SLITRK1: variants seen among roughly 807,000 people sequenced by gnomAD.
SLITRK1 encodes the protein SLIT and NTRK like family member 1.
A neutral mutation model predicts 42.4 loss-of-function variants in SLITRK1; 10 were observed. The observed-to-expected ratio is 0.24, with a 90% CI of 0.15 to 0.40. The LOEUF is 0.40. Among genes scored for constraint, SLITRK1 ranks in the 10% least tolerant of loss-of-function variants. The pLI is 1.00. For synonymous variants in SLITRK1, 389 were observed against 365.7 expected, an observed-to-expected ratio of 1.06 and a Z score of -0.73; for missense variants, 778 against 848.8, an observed-to-expected ratio of 0.92 and a Z score of 1.04.
chr13:83,879,408 G>C lies in SLITRK1; in HGVS notation c.*9C>G, dbSNP rs764883497. The C allele has an allele frequency of 6.2e-7, 1 of 1,612,446 alleles. No individual in the cohort carries two copies. The highest frequency in any genetic ancestry group is 1.1e-5 in the South Asian group (1 of 91,034). Reference sequence around the variant, plus strand: ...CTTCCCTCTGCCCTCCCCTATTGGGGTTGGGGTCTTAGTCTGAGAGCGAGT... The same window carrying C: ...CTTCCCTCTGCCCTCCCCTATTGGGCTTGGGGTCTTAGTCTGAGAGCGAGT... On this transcript the variant is annotated 3_prime_UTR_variant, in exon 2 of 2. Coordinates refer to ENST00000674365, the MANE Select transcript of SLITRK1 (RefSeq NM_001281503.2).
chr13:83,879,355 GT>G lies in SLITRK1; in HGVS notation c.*61del, dbSNP rs1884756553. The G allele has an allele frequency of 6.3e-7, 1 of 1,599,428 alleles. No homozygotes were observed. Among genetic ancestry groups the G allele is most frequent in the African/African-American group, 1.3e-5 (1 of 74,842 alleles). On this transcript the variant is annotated 3_prime_UTR_variant, in exon 2 of 2. Coordinates refer to ENST00000674365, the MANE Select transcript of SLITRK1 (RefSeq NM_001281503.2). ...GGTACACGCCCCTCCAGCCCCCGGG[GT>G]GCCTGCGGTGGGGAAGGATGTATCG...
Position 83,881,081 on chromosome 13 carries a change from G to C in SLITRK1, c.427C>G (p.Arg143Gly), listed in dbSNP as rs1220392683. ...EYLQADFNLL[R>G]DIDPGAFQDL... ...TGGAAGGCCCCCGGGTCTATATCTCGTAATAAATTAAAATCAGCCTGGAGA... is the reference window on the plus strand; with the variant it reads ...TGGAAGGCCCCCGGGTCTATATCTCCTAATAAATTAAAATCAGCCTGGAGA... The change falls in exon 2 of 2, where the codon CGA (arginine) becomes GGA (glycine). Residue 143 changes from arginine (R) to glycine (G), a missense_variant. By Grantham distance (125) the Arg-to-Gly change is moderately radical. This residue lies in a region of SLITRK1 where 204 missense variants were observed against 295.3 expected (regional missense o/e 0.69). Transcript: ENST00000674365. 3 of 1,613,886 alleles carry C rather than the reference G, an allele frequency of 1.9e-6. No individual in the cohort carries two copies. The highest frequency in any genetic ancestry group is 2.5e-6 in the Non-Finnish European group (3 of 1,180,028).
In SLITRK1 at chr13:83,880,189, C is replaced by T. The variant is rs1884780658; in HGVS notation, c.1319G>A (p.Arg440Gln). 8.7e-6 allele frequency: 14 copies of T among 1,613,842 alleles called. No individual in the cohort carries two copies. The highest frequency in any genetic ancestry group is 1.1e-5 in the South Asian group (1 of 91,076). ...MDSNYLDTLS[R>Q]EKFAGLQNLE... ...GTTTTGCAGCCCCGCGAATTTCTCC[C>T]GGGACAGCGTGTCCAGGTAATTGCT... Residue 440 changes from arginine (R) to glutamine (Q), a missense_variant, in exon 2 of 2, where the codon CGG (arginine) becomes CAG (glutamine). Physicochemically the swap from Arg to Gln is conservative, Grantham distance 43 (BLOSUM62 1). Around this residue, in one of 4 missense-constraint regions of SLITRK1, gnomAD observed 395 missense variants for 360.4 expected, o/e 1.10. Transcript: ENST00000674365.
chr13:83,879,828 C>A lies in SLITRK1; in HGVS notation c.1680G>T (p.Thr560=). 4 of 1,614,094 alleles carry A rather than the reference C, an allele frequency of 2.5e-6. No individual in the cohort carries two copies. The highest frequency in any genetic ancestry group is 3.4e-6 in the Non-Finnish European group (4 of 1,180,024). Residue 560 remains threonine (T), a synonymous_variant, in exon 2 of 2, where the codon ACG becomes ACT. Coordinates refer to ENST00000674365, the MANE Select transcript of SLITRK1 (RefSeq NM_001281503.2). ...EVLMSDLKCE[T]PVNFFRKDFM... ...AATCCTTTCTAAAGAAGTTCACCGG[C>A]GTCTCACACTTGAGGTCGCTCATCA...
At position 83,879,673 on chromosome 13, in the gene SLITRK1, G is replaced by A; in HGVS notation, c.1835C>T (p.Thr612Ile). 6.2e-7 allele frequency: 1 copy of A among 1,613,978 alleles called. No individual in the cohort carries two copies. The highest frequency in any genetic ancestry group is 2.2e-5 in the East Asian group (1 of 44,852). The change falls in exon 2 of 2, where the codon ACC becomes ATC. Residue 612 changes from threonine to isoleucine, a missense_variant. Thr to Ile is a moderately conservative substitution (Grantham distance 89). Around this residue, in one of 4 missense-constraint regions of SLITRK1, gnomAD observed 164 missense variants for 158.2 expected, o/e 1.04. Transcript: ENST00000674365. Reference protein sequence around the residue: ...TGTHSNSYLDTSRVSISVLVP... With the variant: ...TGTHSNSYLDISRVSISVLVP... ...CAACACCGAGATGGACACCCTGCTGGTGTCTAGGTAGGAGTTGGAGTGCGT... is the reference window on the plus strand; with the variant it reads ...CAACACCGAGATGGACACCCTGCTGATGTCTAGGTAGGAGTTGGAGTGCGT...
At position 83,881,010 on chromosome 13, in the gene SLITRK1, G is replaced by A; in HGVS notation, c.498C>T (p.Ile166=). 6.2e-7 allele frequency: 1 copy of A among 1,614,088 alleles called. No homozygotes were observed. Among genetic ancestry groups the A allele is most frequent in the Non-Finnish European group, 8.5e-7 (1 of 1,180,018 alleles). Residue 166 remains isoleucine (I), a synonymous_variant, in exon 2 of 2, where the codon ATC becomes ATT. Coordinates refer to ENST00000674365, the MANE Select transcript of SLITRK1 (RefSeq NM_001281503.2). ...GGAACACGTTGGCAGGTAGGGTGCTGATGAGATTGTCATTTAAAATGAGCA... is the reference window on the plus strand; with the variant it reads ...GGAACACGTTGGCAGGTAGGGTGCTAATGAGATTGTCATTTAAAATGAGCA... ...LEVLILNDNL[I]STLPANVFQY...
At chr13:83,881,589 A>C in intron 1 of SLITRK1, 29 bp from the exon 2 acceptor site, 2 of 1,075,772 alleles carry the variant, frequency 1.9e-6, no homozygotes, top group Non-Finnish European at 2.6e-6. Flanking sequence ...ATTCAAGTTC[A>C]TTTAGTGCTC....
chr13:83,879,709 G>A lies in SLITRK1; in HGVS notation c.1799C>T (p.Ala600Val), dbSNP rs377623606. The A allele has an allele frequency of 9.0e-5, 146 of 1,613,846 alleles. No homozygotes were observed. In the Middle Eastern group the frequency reaches 4.6e-3, roughly 51 times the overall value. The change falls in exon 2 of 2, where the codon GCG becomes GTG. Residue 600 changes from alanine (A) to valine (V), a missense_variant. Coordinates refer to ENST00000674365, the MANE Select transcript of SLITRK1 (RefSeq NM_001281503.2). ...TSHSKNSTGL[A>V]ETGTHSNSYL... The stretch of plus-strand genomic sequence containing the variant: ...GGAGTTGGAGTGCGTCCCGGTCTCC[G>A]CCAACCCAGTGCTGTTTTTACTGTG...
chr13:83,880,687 G>A lies in SLITRK1; in HGVS notation c.821C>T (p.Pro274Leu), dbSNP rs745406193. The change falls in exon 2 of 2, where the codon CCC (proline) becomes CTC (leucine). Residue 274 changes from proline (P) to leucine (L), a missense_variant. Coordinates refer to ENST00000674365, the MANE Select transcript of SLITRK1 (RefSeq NM_001281503.2). ...AGCAAAGGTCTCTTCTTGGGCAGGGGGCGCCGGGAGACTAGAATCCACTCG... is the reference window on the plus strand; with the variant it reads ...AGCAAAGGTCTCTTCTTGGGCAGGGAGCGCCGGGAGACTAGAATCCACTCG... ...KNRVDSSLPAPPAQEETFAPG... is the reference protein window; with the variant it reads ...KNRVDSSLPALPAQEETFAPG... The A allele has an allele frequency of 6.2e-7, 1 of 1,614,100 alleles. No homozygotes were observed. The highest frequency in any genetic ancestry group is 2.2e-5 in the East Asian group (1 of 44,852).
Position 83,879,597 on chromosome 13 carries a change from G to A in SLITRK1, c.1911C>T (p.Gly637=). The part of the protein sequence containing the change: ...VFVTSAFTVV[G]MLVFILRNRK... ...GGTTCCTCAGGATAAACACGAGCATGCCCACCACGGTGAAGGCGGAGGTGA... is the reference window on the plus strand; with the variant it reads ...GGTTCCTCAGGATAAACACGAGCATACCCACCACGGTGAAGGCGGAGGTGA... Residue 637 remains glycine (G), a synonymous_variant, in exon 2 of 2, where the codon GGC becomes GGT. Coordinates refer to ENST00000674365, the MANE Select transcript of SLITRK1 (RefSeq NM_001281503.2). 1 of 1,614,024 alleles carries A rather than the reference G, an allele frequency of 6.2e-7. No homozygotes were observed. The highest frequency in any genetic ancestry group is 1.7e-5 in the Admixed American group (1 of 59,998).
rs778285912 is a variant in SLITRK1 at position 83,881,554 on chromosome 13, G to A, written c.-47C>T. Reference sequence around the variant, plus strand: ...CCCGATCTCATCACAAAGTAACAGCGACCATCCTGCTCGCCACAGACACAA... The same window carrying A: ...CCCGATCTCATCACAAAGTAACAGCAACCATCCTGCTCGCCACAGACACAA... On this transcript the variant is annotated 5_prime_UTR_variant, in exon 2 of 2. Transcript: ENST00000674365. The A allele has an allele frequency of 2.9e-5, 43 of 1,461,448 alleles. No homozygotes were observed. The highest frequency in any genetic ancestry group is 3.7e-5 in the Non-Finnish European group (40 of 1,084,008). The allele number at this position is 1,461,448 out of a possible 1,614,324, so 90.5% of individuals were successfully genotyped here.
At position 83,881,179 on chromosome 13, in the gene SLITRK1, C is replaced by A. The variant is rs1209211422; in HGVS notation, c.329G>T (p.Arg110Met). ...GAFLGLQLVKRLHINNNKIKS... is the reference protein window; with the variant it reads ...GAFLGLQLVKMLHINNNKIKS... Reference sequence around the variant, plus strand: ...GATCTTGTTGTTGTTGATGTGCAGCCTTTTCACCAGCTGCAGCCCCAGAAA... The same window carrying A: ...GATCTTGTTGTTGTTGATGTGCAGCATTTTCACCAGCTGCAGCCCCAGAAA... Residue 110 changes from arginine (R) to methionine (M), a missense_variant, in exon 2 of 2, where the codon AGG becomes ATG. This residue lies in a region of SLITRK1 where 204 missense variants were observed against 295.3 expected (regional missense o/e 0.69). Transcript: ENST00000674365. The A allele has an allele frequency of 1.2e-6, 2 of 1,614,068 alleles. No individual in the cohort carries two copies. Among genetic ancestry groups the A allele is most frequent in the Non-Finnish European group, 8.5e-7 (1 of 1,180,004 alleles).
chr13:83,880,377 C>A lies in SLITRK1; in HGVS notation c.1131G>T (p.Val377=). ...TGTTATCTCGTAGGAAAAGCTCCTG[C>A]ACGTTAGAGAGCTTGGGCTTCAAAT... The part of the protein sequence containing the change: ...LADLKPKLSN[V]QELFLRDNKI... Residue 377 remains valine (V), a synonymous_variant, in exon 2 of 2, where the codon GTG becomes GTT. Coordinates refer to ENST00000674365, the MANE Select transcript of SLITRK1 (RefSeq NM_001281503.2). The A allele has an allele frequency of 2.5e-6, 4 of 1,613,854 alleles. No homozygotes were observed. Among genetic ancestry groups the A allele is most frequent in the Non-Finnish European group, 1.7e-6 (2 of 1,180,020 alleles).
At position 83,881,015 on chromosome 13, in the gene SLITRK1, G is replaced by T. The variant is rs764130843; in HGVS notation, c.493C>A (p.Leu165Ile). The T allele has an allele frequency of 1.2e-6, 2 of 1,614,102 alleles. No homozygotes were observed. The highest frequency in any genetic ancestry group is 8.5e-7 in the Non-Finnish European group (1 of 1,180,032). ...KLEVLILNDN[L>I]ISTLPANVFQ... ...ACGTTGGCAGGTAGGGTGCTGATGA[G>T]ATTGTCATTTAAAATGAGCACCTCC... is the stretch of plus-strand genomic sequence containing the variant. Residue 165 changes from leucine to isoleucine, a missense_variant, in exon 2 of 2, where the codon CTC (leucine) becomes ATC (isoleucine). Leu to Ile is a conservative substitution (Grantham distance 5, BLOSUM62 2). Coordinates refer to ENST00000674365, the MANE Select transcript of SLITRK1 (RefSeq NM_001281503.2).
Position 83,880,223 on chromosome 13 carries a change from A to G in SLITRK1, c.1285T>C (p.Tyr429His). ...FKNLLDLRWL[Y>H]MDSNYLDTLS... ...GTGTCCAGGTAATTGCTATCCATGTATAGCCACCTGAGGTCCAAAAGGTTC... is the reference window on the plus strand; with the variant it reads ...GTGTCCAGGTAATTGCTATCCATGTGTAGCCACCTGAGGTCCAAAAGGTTC... The change falls in exon 2 of 2, where the codon TAC becomes CAC. Residue 429 changes from tyrosine to histidine, a missense_variant. Physicochemically the swap from Tyr to His is moderately conservative, Grantham distance 83. This residue lies in a region of SLITRK1 where 395 missense variants were observed against 360.4 expected (regional missense o/e 1.10). Transcript: ENST00000674365. 1 of 1,614,114 alleles carries G rather than the reference A, an allele frequency of 6.2e-7. No homozygotes were observed. The highest frequency in any genetic ancestry group is 8.5e-7 in the Non-Finnish European group (1 of 1,180,036).
chr13:83,881,196 C>T lies in SLITRK1; in HGVS notation c.312G>A (p.Gly104=). The T allele has an allele frequency of 6.2e-7, 1 of 1,614,106 alleles. No homozygotes were observed. The highest frequency in any genetic ancestry group is 8.5e-7 in the Non-Finnish European group (1 of 1,180,016). ...LHEIVPGAFL[G]LQLVKRLHIN... ...TGTGCAGCCTTTTCACCAGCTGCAG[C>T]CCCAGAAAAGCCCCCGGAACGATTT... The change falls in exon 2 of 2, where the codon GGG becomes GGA. Residue 104 remains glycine (G), a synonymous_variant. Transcript: ENST00000674365.
In SLITRK1 at chr13:83,879,369, G is replaced by A. The variant is rs779983456; in HGVS notation, c.*48C>T. On this transcript the variant is annotated 3_prime_UTR_variant, in exon 2 of 2. Transcript: ENST00000674365. ...CAGCCCCCGGGGTGCCTGCGGTGGGGAAGGATGTATCGCCTTCCCTCTGCC... is the reference window on the plus strand; with the variant it reads ...CAGCCCCCGGGGTGCCTGCGGTGGGAAAGGATGTATCGCCTTCCCTCTGCC... The A allele has an allele frequency of 3.1e-6, 5 of 1,606,590 alleles. No individual in the cohort carries two copies. Among genetic ancestry groups the A allele is most frequent in the Admixed American group, 1.7e-5 (1 of 59,906 alleles).
rs1555290788 is a variant in SLITRK1, at chr13:83,879,410, T to TGGGGTC, written c.*1_*6dup. ...TCCCTCTGCCCTCCCCTATTGGGGT[T>TGGGGTC]GGGGTCTTAGTCTGAGAGCGAGTGA... On this transcript the variant is annotated 3_prime_UTR_variant, in exon 2 of 2. Coordinates refer to ENST00000674365, the MANE Select transcript of SLITRK1 (RefSeq NM_001281503.2). 1 of 1,612,346 alleles carries TGGGGTC rather than the reference T, an allele frequency of 6.2e-7. No homozygotes were observed. Among genetic ancestry groups the TGGGGTC allele is most frequent in the African/African-American group, 1.3e-5 (1 of 74,838 alleles).
Position 83,879,355 on chromosome 13 carries a change from G to C in SLITRK1, c.*62C>G. 6.3e-7 allele frequency: 1 copy of C among 1,599,428 alleles called. No individual in the cohort carries two copies. Among genetic ancestry groups the C allele is most frequent in the Non-Finnish European group, 8.5e-7 (1 of 1,175,306 alleles). ...GGTACACGCCCCTCCAGCCCCCGGG[G>C]TGCCTGCGGTGGGGAAGGATGTATC... On this transcript the variant is annotated 3_prime_UTR_variant, in exon 2 of 2. Coordinates refer to ENST00000674365, the MANE Select transcript of SLITRK1 (RefSeq NM_001281503.2).
Sources: allele counts gnomAD v4.1 joint callset, GRCh38; gene constraint gnomAD v4.1.1; regional missense constraint gnomAD v4.1.1; transcripts MANE v1.5; gene names NCBI Gene and HGNC (gene_info 2026-07-23, HGNC 2026-07-21).